The following SLC17A1 variants were observed in gnomAD, a reference collection of about 807,000 sequenced individuals.
SLC17A1 encodes the protein sodium-dependent phosphate transport protein 1.
Under a neutral mutation model 53.5 loss-of-function variants are expected in SLC17A1, and 51 were observed. That is an observed-to-expected ratio of 0.95 (90% confidence interval 0.76 to 1.20). The LOEUF is 1.20. Among genes scored for constraint, SLC17A1 ranks in the 50% most tolerant of loss-of-function variants. The probability of loss-of-function intolerance (pLI) is 0.00; values close to 1 mark genes in which losing one functional copy is unlikely to be tolerated. For missense variants in SLC17A1, 538 were observed against 568.2 expected (o/e 0.95, Z 0.54); for synonymous variants, 179 against 198.8 (o/e 0.90, Z 0.84).
At chr6:25,761,678 AT>A in the SLC17A1 span, among the ~76,000 whole-genome samples, 3 of 152,178 alleles carry the variant, frequency 2.0e-5, no homozygotes, top group African/African-American at 4.8e-5. Context: ...GGATATTACA[AT>A]TTATGAAGGC....
chr6:25,790,829 ATTATTG>A (rs1419009911), intron 12 of SLC17A1, among the ~76,000 whole-genome samples: 3 of 152,200 alleles, frequency 2.0e-5, no homozygotes, highest in African/African-American at 4.8e-5. Context: ...TTAGCCCATT[ATTATTG>A]TTATTATTTG....
chr6:25,801,490 G>T (rs1223237645), intron 10 of SLC17A1, among the ~76,000 whole-genome samples: 1 of 152,142 alleles, frequency 6.6e-6, no homozygotes, highest in Non-Finnish European at 1.5e-5. Context: ...AGCTACAAAC[G>T]CAGTGAAGCT....
chr6:25,733,782 CTGTGTGTGTGTGTGTGTGTGTG>C, the SLC17A1 span, among the ~76,000 whole-genome samples: 1 of 144,556 alleles, frequency 6.9e-6, no homozygotes, highest in South Asian at 2.3e-4. Context: ...AAGCCTAATA[CTGTGTGTGTGTGTGTGTGTGTG>C]TATGTGTGTG....
At chr6:25,741,589 G>A in the SLC17A1 span, among the ~76,000 whole-genome samples, 6 of 151,934 alleles carry the variant, frequency 3.9e-5, no homozygotes, top group Non-Finnish European at 8.8e-5. Flanking sequence ...GTCATGGGCC[G>A]CCTATAATCC....
At chr6:25,755,488 T>A in the SLC17A1 span, among the ~76,000 whole-genome samples, 6 of 152,104 alleles carry the variant, frequency 3.9e-5, no homozygotes, top group African/African-American at 1.4e-4. Context: ...TAAGGAAAAG[T>A]CTCATTCTAC....
At chr6:25,726,816 G>C in the SLC17A1 span, 2 of 1,419,438 alleles carry the variant, frequency 1.4e-6, no homozygotes, top group Non-Finnish European at 1.9e-6. Flanking sequence ...AGGTCATTTG[G>C]AGCTGTTTAA....
At chr6:25,755,491 C>T in the SLC17A1 span, among the ~76,000 whole-genome samples, 1 of 152,124 alleles carries the variant, frequency 6.6e-6, no homozygotes, top group Non-Finnish European at 1.5e-5. Context: ...GGAAAAGTCT[C>T]ATTCTACAGT....
chr6:25,787,242 C>T (rs902684985), intron 12 of SLC17A1, among the ~76,000 whole-genome samples: 2 of 151,672 alleles, frequency 1.3e-5, no homozygotes, highest in Non-Finnish European at 2.9e-5. Flanking sequence ...AATTCCAGCA[C>T]TTTAGGAGGC....
intron 6 of SLC17A1, among the ~76,000 whole-genome samples, chr6:25,815,863 G>A (rs1764333692): frequency 1.3e-5 from 2 of 151,524 alleles, no homozygotes; most frequent in African/African-American, 4.9e-5. Context: ...GGTAGCAAGG[G>A]GACCCCTGCC....
At chr6:25,781,608 G>A (rs1763270373), downstream of SLC17A1, among the ~76,000 whole-genome samples, 1 of 152,150 alleles carries the variant, frequency 6.6e-6, no homozygotes, top group Non-Finnish European at 1.5e-5. Context: ...CATCTGGCGA[G>A]GGCCTCAGGC....
At chr6:25,767,629 T>C in the SLC17A1 span, among the ~76,000 whole-genome samples, 1 of 152,200 alleles carries the variant, frequency 6.6e-6, no homozygotes, top group African/African-American at 2.4e-5. Context: ...TAGTTTAATA[T>C]AATTAAAGGA....
the SLC17A1 span, chr6:25,761,800 A>C: frequency 3.5e-6 from 2 of 573,102 alleles, no homozygotes; most frequent in Non-Finnish European, 6.0e-6. Flanking sequence ...ATGACAAGTT[A>C]GTTTTCATAA....
At chr6:25,766,561 C>T in the SLC17A1 span, among the ~76,000 whole-genome samples, 1 of 151,982 alleles carries the variant, frequency 6.6e-6, no homozygotes, top group African/African-American at 2.4e-5. Context: ...ACCTGACAAA[C>T]ACTACCTCAA....
chr6:25,748,335 C>T, the SLC17A1 span, among the ~76,000 whole-genome samples: 2 of 152,064 alleles, frequency 1.3e-5, no homozygotes, highest in Non-Finnish European at 2.9e-5. Context: ...GAGCAAGAAT[C>T]AGGAGAACAC....
the SLC17A1 span, chr6:25,770,809 A>G: frequency 2.5e-6 from 2 of 788,192 alleles, no homozygotes; most frequent in South Asian, 3.1e-5. Flanking sequence ...GAAGGAACCT[A>G]GATAGTTTGG....
At chr6:25,813,916 CCTT>C (rs1446505801) in intron 6 of SLC17A1, among the ~76,000 whole-genome samples, 1 of 152,210 alleles carries the variant, frequency 6.6e-6, no homozygotes, top group Non-Finnish European at 1.5e-5. Context: ...GACACGATCT[CCTT>C]CTTTTTATGG....
chr6:25,805,055 T>A (rs1306486561), intron 10 of SLC17A1, among the ~76,000 whole-genome samples: 1 of 152,046 alleles, frequency 6.6e-6, no homozygotes, highest in African/African-American at 2.4e-5. Flanking sequence ...TTACAGAACA[T>A]TCTACCCAAG....
the SLC17A1 span, chr6:25,770,289 G>A: frequency 6.2e-7 from 1 of 1,614,054 alleles, no homozygotes; most frequent in South Asian, 1.1e-5. Context: ...GATTGTACAA[G>A]GCATAGCCCA....
chr6:25,761,882 T>C, the SLC17A1 span: 4 of 1,150,248 alleles, frequency 3.5e-6, no homozygotes, highest in Non-Finnish European at 3.8e-6. Context: ...GGTAATATCA[T>C]ATAAGATTCT....
Sources: allele counts gnomAD v4.1 joint callset (sites outside exome capture counted in the v4.1 genomes callset), GRCh38; gene constraint gnomAD v4.1.1; transcripts MANE v1.5; gene names NCBI Gene and HGNC (gene_info 2026-07-23, HGNC 2026-07-21).